Variants in GRK3 observed in about 807,000 individuals in gnomAD.
The protein encoded by GRK3 is adrenergic, beta, receptor kinase 2.
A neutral mutation model predicts 95.7 loss-of-function variants in GRK3; 54 were observed. The ratio of observed to expected loss-of-function variants is 0.56; its 90% CI spans 0.45 to 0.71. The LOEUF (loss-of-function observed/expected upper bound fraction) is 0.71, where lower values mean the gene tolerates loss of function less well. Among genes scored for constraint, GRK3 ranks in the 30% least tolerant of loss-of-function variants. The probability of loss-of-function intolerance (pLI) is 0.00; values close to 1 mark genes in which losing one functional copy is unlikely to be tolerated. For missense variants in GRK3, 649 were observed against 851.2 expected (o/e 0.76, Z 2.96); for synonymous variants, 281 against 290.8 (o/e 0.97, Z 0.34).
intron 1 of GRK3, among the ~76,000 whole-genome samples, chr22:25,591,174 A>G (rs1468326879): frequency 1.3e-5 from 2 of 152,168 alleles, no homozygotes; most frequent in East Asian, 3.8e-4. Flanking sequence ...GTGTCACTAG[A>G]ACAACTCACA....
intron 15 of GRK3, among the ~76,000 whole-genome samples, chr22:25,708,906 C>T (rs915082608): frequency 6.6e-6 from 1 of 152,066 alleles, no homozygotes; most frequent in African/African-American, 2.4e-5. Flanking sequence ...AGACAATCCA[C>T]CCACCTTGGC....
chr22:25,604,718 C>T (rs867463128), intron 2 of GRK3, among the ~76,000 whole-genome samples: 2 of 152,134 alleles, frequency 1.3e-5, no homozygotes, highest in South Asian at 2.1e-4. Context: ...ATAGGATATT[C>T]CTTTCTTTTC....
rs1193282237 is a variant in GRK3, at chr22:25,727,434, C to T, written c.*4984C>T. The T allele has an allele frequency of 6.6e-6, 1 of 152,220 alleles. No homozygotes were observed. The highest frequency in any genetic ancestry group is 1.5e-5 in the Non-Finnish European group (1 of 68,048). 9.4% of individuals were successfully genotyped at this position (152,220 alleles called of 1,614,324 possible). On this transcript the variant is annotated 3_prime_UTR_variant, in exon 21 of 21. Coordinates refer to ENST00000324198, the MANE Select transcript of GRK3 (RefSeq NM_005160.4). The stretch of plus-strand genomic sequence containing the variant: ...GATAGTTGTTTTATTTCAGCCGAAT[C>T]ACAGAGATAACCACTCCTGCAGGCC...
chr22:25,603,955 C>A (rs1050315640), intron 1 of GRK3, among the ~76,000 whole-genome samples: 1 of 152,080 alleles, frequency 6.6e-6, no homozygotes, highest in Non-Finnish European at 1.5e-5. Context: ...ATCTAGGGAA[C>A]TTTTGCACTT....
chr22:25,599,680 A>G (rs1405449823), intron 1 of GRK3, among the ~76,000 whole-genome samples: 1 of 152,238 alleles, frequency 6.6e-6, no homozygotes, highest in Middle Eastern at 3.4e-3. Flanking sequence ...TATGAATATT[A>G]AGATACCAGT....
At chr22:25,648,514 T>C in intron 3 of GRK3, 1 of 1,456,406 alleles carries the variant, frequency 6.9e-7, no homozygotes, top group Non-Finnish European at 9.6e-7. Context: ...AAAGTAGCAA[T>C]CAAAACACTA....
chr22:25,671,208 C>G (rs888003123), intron 6 of GRK3, among the ~76,000 whole-genome samples: 1 of 151,814 alleles, frequency 6.6e-6, no homozygotes, highest in Non-Finnish European at 1.5e-5. Flanking sequence ...CACGTGGTGG[C>G]GGGCGCCTGT....
rs187439938 is a variant in GRK3, at chr22:25,585,967, G to A, written c.114-18410G>A. On this transcript the variant is annotated intron_variant, in intron 1 of 20. Transcript: ENST00000324198. ...CTTGAAGGGTTGGGGAAGGCTCCACGGTGTTGGTGGGTACAGATTTAGTAT... is the reference window on the plus strand; with the variant it reads ...CTTGAAGGGTTGGGGAAGGCTCCACAGTGTTGGTGGGTACAGATTTAGTAT... 9.9e-4 allele frequency among the ~76,000 whole-genome samples: 151 copies of A among 152,394 alleles called. 2 individuals carry two copies. Among genetic ancestry groups the A allele is most frequent in the East Asian group, 4.6e-3 (24 of 5,192 alleles).
rs116010408 is a variant in GRK3 at position 25,568,630 on chromosome 22, G to A, written c.113+3477G>A. Among the ~76,000 whole-genome samples, 1,067 of 152,234 alleles carry A rather than the reference G, an allele frequency of 7.0e-3. 14 individuals carry two copies. Among genetic ancestry groups the A allele is most frequent in the African/African-American group, 0.024 (1,010 of 41,524 alleles). On this transcript the variant is annotated intron_variant, in intron 1 of 20. Transcript: ENST00000324198. Reference sequence around the variant, plus strand: ...AGCCATTTCTATGAGCCAGGCACGGGGTACTATGACAAACCCAGCCACAGC... The same window carrying A: ...AGCCATTTCTATGAGCCAGGCACGGAGTACTATGACAAACCCAGCCACAGC...
intron 1 of GRK3, among the ~76,000 whole-genome samples, chr22:25,577,809 G>A (rs899210065): frequency 1.3e-5 from 2 of 152,172 alleles, no homozygotes; most frequent in South Asian, 2.1e-4. Context: ...TTACATAGGT[G>A]CCTTTGGGTC....
At chr22:25,577,353 T>C (rs1931940819) in intron 1 of GRK3, among the ~76,000 whole-genome samples, 1 of 152,068 alleles carries the variant, frequency 6.6e-6, no homozygotes, top group African/African-American at 2.4e-5. Context: ...TTTTCTACTT[T>C]TTGTAGAGAC....
At chr22:25,586,619 T>C (rs1601454011) in intron 1 of GRK3, among the ~76,000 whole-genome samples, 1 of 152,156 alleles carries the variant, frequency 6.6e-6, no homozygotes, top group African/African-American at 2.4e-5. Flanking sequence ...CTCTGCAGAG[T>C]TGGGGAGGGC....
intron 2 of GRK3, among the ~76,000 whole-genome samples, chr22:25,631,530 T>C (rs1406833172): frequency 6.6e-6 from 1 of 152,228 alleles, no homozygotes; most frequent in Non-Finnish European, 1.5e-5. Context: ...TCCAATTTTA[T>C]TTTTCTTTCT....
chr22:25,609,905 T>G (rs1163137842), intron 2 of GRK3, among the ~76,000 whole-genome samples: 1 of 149,730 alleles, frequency 6.7e-6, no homozygotes, highest in Non-Finnish European at 1.5e-5. Context: ...TGGGGTGCAG[T>G]GGTGCGATTT....
chr22:25,647,836 T>C (rs8140815), intron 3 of GRK3: 89,164 of 772,582 alleles, frequency 0.12, 13,077 homozygotes, highest in African/African-American at 0.6. Flanking sequence ...AATGGCTGGG[T>C]GCAGTGGCTC....
chr22:25,708,867 G>T lies in GRK3; in HGVS notation c.1329-1031G>T, dbSNP rs1298327465. Among the ~76,000 whole-genome samples, 10 of 150,506 alleles carry T rather than the reference G, an allele frequency of 6.6e-5. No homozygotes were observed. In the Admixed American group the frequency reaches 6.6e-4, roughly 10 times the overall value. On this transcript the variant is annotated intron_variant, in intron 15 of 20. Transcript: ENST00000324198. Reference sequence around the variant, plus strand: ...AGTCGAGACAGGGTTTCATTGTGTTGCCCAGACTGGTCTCGATCTCCTGAA... The same window carrying T: ...AGTCGAGACAGGGTTTCATTGTGTTTCCCAGACTGGTCTCGATCTCCTGAA...
intron 3 of GRK3, chr22:25,648,344 ATG>A (rs2084802327): frequency 1.6e-6 from 2 of 1,278,876 alleles, no homozygotes; most frequent in African/African-American, 1.5e-5. Flanking sequence ...CTGATGGTTT[ATG>A]CCACAAGTTA....
chr22:25,612,342 A>G (rs2084504521), intron 2 of GRK3, among the ~76,000 whole-genome samples: 1 of 152,096 alleles, frequency 6.6e-6, no homozygotes, highest in Non-Finnish European at 1.5e-5. Context: ...TTTGTTCCCA[A>G]GTATTTTAAT....
chr22:25,703,564 G>T lies in GRK3; in HGVS notation c.1215G>T (p.Met405Ile). ...KTKDKHEIDRMTLTVNVELPD... is the reference protein window; with the variant it reads ...KTKDKHEIDRITLTVNVELPD... ...AAGACAAGCATGAAATTGACCGAAT[G>T]ACACTCACCGTGGTAAGGGGATTCA... is the stretch of plus-strand genomic sequence containing the variant. The change falls in exon 14 of 21, where the codon ATG (methionine) becomes ATT (isoleucine). Residue 405 changes from methionine (M) to isoleucine (I), a missense_variant. Met to Ile is a conservative substitution (Grantham distance 10, BLOSUM62 1). Around this residue, in one of 3 missense-constraint regions of GRK3, gnomAD observed 382 missense variants for 493.8 expected, o/e 0.77. Coordinates refer to ENST00000324198, the MANE Select transcript of GRK3 (RefSeq NM_005160.4). The T allele has an allele frequency of 6.2e-7, 1 of 1,612,280 alleles. No individual in the cohort carries two copies. Among genetic ancestry groups the T allele is most frequent in the South Asian group, 1.1e-5 (1 of 90,984 alleles).
Sources: gnomAD v4.1 joint callset for allele counts (sites outside exome capture counted in the v4.1 genomes callset) on GRCh38, gnomAD v4.1.1 for gene constraint, gnomAD v4.1.1 regional missense constraint, MANE v1.5 for transcripts, NCBI Gene and HGNC (gene_info 2026-07-23, HGNC 2026-07-21) for gene names.